The following PHLPP1 variants were observed in gnomAD, a reference collection of about 807,000 sequenced individuals.
PHLPP1 encodes the protein PH domain leucine-rich repeat-containing protein phosphatase 1.
Under a neutral mutation model 117.2 loss-of-function variants are expected in PHLPP1, and 42 were observed. That is an observed-to-expected ratio of 0.36 (90% confidence interval 0.28 to 0.46). The LOEUF (loss-of-function observed/expected upper bound fraction) is 0.46, where lower values mean the gene tolerates loss of function less well. Ranked by LOEUF, PHLPP1 falls within the 20% of genes least tolerant of loss-of-function variation. PHLPP1 has a pLI of 1.00. For synonymous variants in PHLPP1, 1,042 were observed against 970.7 expected (o/e 1.07, Z -1.37); for missense variants, 2,084 against 2,241.9 (o/e 0.93, Z 1.42).
At chr18:62,812,505 C>G (rs1914154425) in intron 1 of PHLPP1, among the ~76,000 whole-genome samples, 1 of 152,202 alleles carries the variant, frequency 6.6e-6, no homozygotes, top group African/African-American at 2.4e-5. Context: ...TAGGGGTATA[C>G]TGGACCTTAG....
At chr18:62,742,833 T>C (rs957530128) in intron 1 of PHLPP1, among the ~76,000 whole-genome samples, 2 of 152,150 alleles carry the variant, frequency 1.3e-5, no homozygotes, top group African/African-American at 4.8e-5. Flanking sequence ...GTACCTCTTA[T>C]TGAATGAGTA....
At chr18:62,774,043 T>G (rs1445230952) in intron 1 of PHLPP1, among the ~76,000 whole-genome samples, 1 of 152,070 alleles carries the variant, frequency 6.6e-6, no homozygotes, top group African/African-American at 2.4e-5. Flanking sequence ...CACCGTCACA[T>G]TAGGGGTTAG....
At chr18:62,734,822 TGAC>T (rs1024643512) in intron 1 of PHLPP1, among the ~76,000 whole-genome samples, 16 of 152,294 alleles carry the variant, frequency 1.1e-4, no homozygotes, top group Admixed American at 8.5e-4. Flanking sequence ...TATCAACACT[TGAC>T]AGGCTGATTT....
chr18:62,931,375 A>C (rs1334528964), intron 10 of PHLPP1, among the ~76,000 whole-genome samples: 2 of 152,170 alleles, frequency 1.3e-5, no homozygotes, highest in African/African-American at 4.8e-5. Flanking sequence ...CTAAGTGCCT[A>C]CATCAAGAAA....
intron 10 of PHLPP1, among the ~76,000 whole-genome samples, chr18:62,932,494 A>T (rs548677416): frequency 6.6e-6 from 1 of 152,250 alleles, no homozygotes; most frequent in Non-Finnish European, 1.5e-5. Context: ...GATTCACCAC[A>T]TAAACAGAAT....
intron 4 of PHLPP1, among the ~76,000 whole-genome samples, chr18:62,862,449 C>T (rs367654843): frequency 3.9e-5 from 6 of 152,206 alleles, no homozygotes; most frequent in East Asian, 3.9e-4. Flanking sequence ...ACTGTGGAAA[C>T]GAGTTTTCCA....
At chr18:62,803,886 T>C (rs1367316060) in intron 1 of PHLPP1, among the ~76,000 whole-genome samples, 2 of 152,190 alleles carry the variant, frequency 1.3e-5, no homozygotes, top group Non-Finnish European at 2.9e-5. Flanking sequence ...CCGTTGTGGT[T>C]GGTGTATAGT....
intron 4 of PHLPP1, among the ~76,000 whole-genome samples, chr18:62,863,453 T>C (rs529820168): frequency 6.6e-6 from 1 of 152,178 alleles, no homozygotes; most frequent in Non-Finnish European, 1.5e-5. Flanking sequence ...TCCACCCACC[T>C]CGGCCTCCCA....
intron 1 of PHLPP1, among the ~76,000 whole-genome samples, chr18:62,791,894 G>A (rs967049784): frequency 1.3e-5 from 2 of 151,780 alleles, no homozygotes; most frequent in African/African-American, 4.8e-5. Context: ...AATTGGATTC[G>A]TACCCATTTT....
intron 14 of PHLPP1, among the ~76,000 whole-genome samples, chr18:62,968,741 G>C (rs926942600): frequency 6.6e-6 from 1 of 151,746 alleles, no homozygotes; most frequent in African/African-American, 2.4e-5. Flanking sequence ...GTTTCACCAT[G>C]TTGGCCAGGC....
intron 1 of PHLPP1, among the ~76,000 whole-genome samples, chr18:62,729,801 G>A (rs1428052102): frequency 6.6e-6 from 1 of 152,184 alleles, no homozygotes; most frequent in Non-Finnish European, 1.5e-5. Flanking sequence ...AAGTGCAAAA[G>A]AATTGAACTG....
rs550805169 is a variant in PHLPP1 at position 62,968,706 on chromosome 18, T to C, written c.3561-3808T>C. ...GTGTGCGCCACCACGCCCAGCTAATTTTTTGTATTTTTAGTAGAGACGGAG... is the reference window on the plus strand; with the variant it reads ...GTGTGCGCCACCACGCCCAGCTAATCTTTTGTATTTTTAGTAGAGACGGAG... On this transcript the variant is annotated intron_variant, in intron 14 of 16. Coordinates refer to ENST00000262719, the MANE Select transcript of PHLPP1 (RefSeq NM_194449.4). 7.9e-5 allele frequency among the ~76,000 whole-genome samples: 12 copies of C among 151,968 alleles called. No individual in the cohort carries two copies. In the South Asian group the frequency reaches 2.5e-3, roughly 32 times the overall value.
intron 9 of PHLPP1, among the ~76,000 whole-genome samples, chr18:62,915,928 C>T (rs1909257138): frequency 6.6e-6 from 1 of 152,206 alleles, no homozygotes; most frequent in African/African-American, 2.4e-5. Flanking sequence ...CATTCTCAGC[C>T]AGTCACTGAA....
At chr18:62,754,371 C>T (rs527463750) in intron 1 of PHLPP1, among the ~76,000 whole-genome samples, 1 of 152,338 alleles carries the variant, frequency 6.6e-6, no homozygotes, top group East Asian at 1.9e-4. Context: ...GCAAGTTGGC[C>T]ACTCTTCTAG....
chr18:62,958,447 A>G (rs753713899), intron 12 of PHLPP1, among the ~76,000 whole-genome samples, 182 bp from the exon 13 acceptor site: 4 of 152,214 alleles, frequency 2.6e-5, no homozygotes, highest in Non-Finnish European at 5.9e-5. Context: ...TTTTTTTTGC[A>G]TTTAGCAAAA....
intron 1 of PHLPP1, among the ~76,000 whole-genome samples, chr18:62,742,757 C>T (rs1391729785): frequency 1.3e-5 from 2 of 152,100 alleles, no homozygotes; most frequent in Non-Finnish European, 2.9e-5. Flanking sequence ...ATCGGAAGCT[C>T]TATTTTACTC....
chr18:62,721,430 GT>G (rs1294795294), intron 1 of PHLPP1, among the ~76,000 whole-genome samples: 9 of 123,082 alleles, frequency 7.3e-5, no homozygotes, highest in South Asian at 3.0e-4. Flanking sequence ...AGGGGTGTGG[GT>G]GTGTGTGTGT....
chr18:62,822,280 G>GTTTTTTTTTTTT (rs796719016), intron 1 of PHLPP1, among the ~76,000 whole-genome samples: 2 of 95,982 alleles, frequency 2.1e-5, no homozygotes, highest in Non-Finnish European at 4.1e-5. Context: ...TTTTTTTTTT[G>GTTTTTTTTTTTT]TTTTTGTTTT....
chr18:62,895,220 T>C (rs1010822655), intron 5 of PHLPP1, 63 bp downstream of exon 5: 1 of 1,520,268 alleles, frequency 6.6e-7, no homozygotes, highest in African/African-American at 1.4e-5. Context: ...GCATTGGGGG[T>C]GTGGCACATG....
Sources: allele counts gnomAD v4.1 joint callset (sites outside exome capture counted in the v4.1 genomes callset), GRCh38; gene constraint gnomAD v4.1.1; transcripts MANE v1.5; gene names NCBI Gene and HGNC (gene_info 2026-07-23, HGNC 2026-07-21).